The following GPR158 variants were observed in gnomAD, a reference collection of about 807,000 sequenced individuals.
GPR158 encodes G protein-coupled receptor 158.
GPR158 carries 30 observed loss-of-function variants against 78.2 expected under a neutral mutation model. That is an observed-to-expected ratio of 0.38 (90% CI 0.29 to 0.52). GPR158 has a LOEUF of 0.52. Ranked by LOEUF, GPR158 falls within the 20% of genes least tolerant of loss-of-function variation. GPR158 has a pLI of 0.83. For synonymous variants in GPR158, 581 were observed against 591.1 expected, an observed-to-expected ratio of 0.98 and a Z score of 0.25; for missense variants, 1,463 against 1,523.5, an observed-to-expected ratio of 0.96 and a Z score of 0.66.
rs1837303882 is a variant in GPR158, at chr10:25,588,864, CATTTGT to C, written c.1754-134_1754-129del. ...CTGAATGAAATTTAAAAATATATGG[CATTTGT>C]ATTTGTATGTGAATAAGACTTTCTA... On this transcript the variant is annotated intron_variant, in intron 7 of 10. Coordinates refer to ENST00000376351, the MANE Select transcript of GPR158 (RefSeq NM_020752.3). 3 of 452,132 alleles carry C rather than the reference CATTTGT, an allele frequency of 6.6e-6. No individual in the cohort carries two copies. The East Asian group carries it at 9.2e-5, about 14-fold the overall frequency. 28.0% of individuals were successfully genotyped at this position (452,132 alleles called of 1,614,324 possible). A position where few individuals can be genotyped will look rare whatever the true frequency, so the allele number is the denominator to read the frequency against.
chr10:25,589,268 A>G (rs762584960), intron 8 of GPR158, 123 bp downstream of exon 8: 8 of 594,924 alleles, frequency 1.3e-5, no homozygotes, highest in Admixed American at 3.2e-5. Flanking sequence ...TTATAAGTGG[A>G]CTAATTTCTT....
At chr10:25,467,551 T>A (rs934564384) in intron 5 of GPR158, among the ~76,000 whole-genome samples, 9 of 152,276 alleles carry the variant, frequency 5.9e-5, no homozygotes, top group African/African-American at 2.2e-4. Context: ...CAGAGTCAGA[T>A]TGGAAAGTAA....
chr10:25,203,237 TGCAGAA>T (rs1186569334), intron 1 of GPR158, among the ~76,000 whole-genome samples: 3 of 152,246 alleles, frequency 2.0e-5, no homozygotes, highest in African/African-American at 7.2e-5. Context: ...TCTTTTGCTG[TGCAGAA>T]GCTCTTTAGT....
At chr10:25,504,683 ACCT>A (rs1458857328) in intron 5 of GPR158, among the ~76,000 whole-genome samples, 1 of 151,906 alleles carries the variant, frequency 6.6e-6, no homozygotes, top group Admixed American at 6.6e-5. Flanking sequence ...GTGACATCTC[ACCT>A]CCTACCTGCA....
intron 2 of GPR158, among the ~76,000 whole-genome samples, chr10:25,231,443 G>A (rs578046418): frequency 6.6e-6 from 1 of 152,254 alleles, no homozygotes; most frequent in Admixed American, 6.5e-5. Context: ...CAGCTAGAAT[G>A]GGGTCATGGT....
intron 5 of GPR158, among the ~76,000 whole-genome samples, chr10:25,491,325 C>T (rs956388537): frequency 2.0e-5 from 3 of 152,114 alleles, no homozygotes; most frequent in African/African-American, 7.2e-5. Flanking sequence ...CAATTACACC[C>T]TAGTGTGTCT....
chr10:25,386,337 A>G (rs1024205433), intron 2 of GPR158, among the ~76,000 whole-genome samples: 1 of 152,100 alleles, frequency 6.6e-6, no homozygotes, highest in African/African-American at 2.4e-5. Flanking sequence ...TTTGATTACT[A>G]TAGCTTTGTA....
chr10:25,582,176 TG>T (rs1183434801), intron 7 of GPR158, among the ~76,000 whole-genome samples: 3 of 152,228 alleles, frequency 2.0e-5, no homozygotes, highest in Admixed American at 2.0e-4. Flanking sequence ...GAGATTTGGG[TG>T]GGGACACAGC....
At chr10:25,278,972 A>T (rs1247940683) in intron 2 of GPR158, among the ~76,000 whole-genome samples, 3 of 152,082 alleles carry the variant, frequency 2.0e-5, no homozygotes, top group African/African-American at 7.2e-5. Flanking sequence ...CAAAGAAAAT[A>T]GTATGTATGT....
intron 2 of GPR158, among the ~76,000 whole-genome samples, chr10:25,254,669 A>G (rs1853868450): frequency 6.6e-6 from 1 of 152,220 alleles, no homozygotes. Context: ...AGGAAGATAA[A>G]TAGGGAATTT....
At chr10:25,559,450 G>T (rs1282405875) in intron 6 of GPR158, among the ~76,000 whole-genome samples, 2 of 152,120 alleles carry the variant, frequency 1.3e-5, no homozygotes, top group East Asian at 3.9e-4. Context: ...TTAAAAGCTG[G>T]GTTATTTTAC....
intron 5 of GPR158, among the ~76,000 whole-genome samples, chr10:25,488,648 C>G (rs1485808659): frequency 6.6e-6 from 1 of 152,094 alleles, no homozygotes; most frequent in African/African-American, 2.4e-5. Flanking sequence ...TAATTATAAT[C>G]TTTATATAGC....
intron 5 of GPR158, among the ~76,000 whole-genome samples, chr10:25,519,722 A>G (rs1323781355): frequency 8.0e-6 from 1 of 125,472 alleles, no homozygotes; most frequent in African/African-American, 3.8e-5. Context: ...TCTGGCTTGT[A>G]GGGTTTCTGC....
chr10:25,517,440 G>A (rs959376124), intron 5 of GPR158, among the ~76,000 whole-genome samples: 1 of 152,028 alleles, frequency 6.6e-6, no homozygotes. Context: ...GGGCATCCCT[G>A]TCTTGTGCCA....
rs143636661 is a variant in GPR158, at chr10:25,240,496, C to T, written c.1008+19339C>T. Among the ~76,000 whole-genome samples, 41 of 152,284 alleles carry T rather than the reference C, an allele frequency of 2.7e-4. No homozygotes were observed. The East Asian group carries it at 5.2e-3, about 19-fold the overall frequency. ...CCAGCCTGGGAGACAGAGACTCCAT[C>T]TCAAAGAGGTCACTTTGACTAAATG... On this transcript the variant is annotated intron_variant, in intron 2 of 10. Transcript: ENST00000376351.
rs370646346 is a variant in GPR158, at chr10:25,412,491, G to A, written c.1335+18G>A. On this transcript the variant is annotated intron_variant, in intron 4 of 10. Transcript: ENST00000376351. ...AAGCAAAGGTAAACCCAGGAACCCT[G>A]GTTATGATCCTGTATTACAGAGCAA... The A allele has an allele frequency of 1.3e-6, 2 of 1,561,290 alleles. No homozygotes were observed. Among genetic ancestry groups the A allele is most frequent in the East Asian group, 2.2e-5 (1 of 44,756 alleles).
At chr10:25,378,339 G>T (rs1447210881) in intron 2 of GPR158, among the ~76,000 whole-genome samples, 2 of 151,734 alleles carry the variant, frequency 1.3e-5, no homozygotes, top group African/African-American at 4.8e-5. Context: ...AAACTGAATG[G>T]CTTAAAATGC....
At chr10:25,192,994 T>C (rs745335118) in intron 1 of GPR158, among the ~76,000 whole-genome samples, 1 of 152,306 alleles carries the variant, frequency 6.6e-6, no homozygotes, top group Non-Finnish European at 1.5e-5. Context: ...CAATGATGTT[T>C]AGTAGGTTAG....
At chr10:25,429,895 G>C (rs960362058) in intron 4 of GPR158, among the ~76,000 whole-genome samples, 4 of 140,020 alleles carry the variant, frequency 2.9e-5, no homozygotes, top group African/African-American at 1.1e-4. Context: ...CAAACCCACA[G>C]CCAATATCAT....
Sources: allele counts gnomAD v4.1 joint callset (sites outside exome capture counted in the v4.1 genomes callset), GRCh38; gene constraint gnomAD v4.1.1; transcripts MANE v1.5; gene names NCBI Gene and HGNC (gene_info 2026-07-23, HGNC 2026-07-21).